Variants in FAF1 observed in about 807,000 individuals in gnomAD.
FAF1 encodes FAS-associated factor 1.
Under a neutral mutation model 92.5 loss-of-function variants are expected in FAF1, and 25 were observed. That is an observed-to-expected ratio of 0.27 (90% CI 0.20 to 0.38). FAF1 has a LOEUF of 0.38. Ranked by LOEUF, FAF1 falls within the 10% of genes least tolerant of loss-of-function variation. The probability of loss-of-function intolerance (pLI) is 1.00; values close to 1 mark genes in which losing one functional copy is unlikely to be tolerated. For synonymous variants in FAF1, 234 were observed against 273.2 expected (o/e 0.86, Z 1.42); for missense variants, 636 against 793.3 (o/e 0.80, Z 2.38).
intron 2 of FAF1, among the ~76,000 whole-genome samples, chr1:50,817,139 T>G (rs1643986550): frequency 6.6e-6 from 1 of 152,174 alleles, no homozygotes; most frequent in Non-Finnish European, 1.5e-5. Context: ...TTGTTCTTTT[T>G]GCTCAGGATG....
intron 8 of FAF1, among the ~76,000 whole-genome samples, chr1:50,622,462 T>A (rs528416095): frequency 6.6e-6 from 1 of 152,194 alleles, no homozygotes; most frequent in Non-Finnish European, 1.5e-5. Flanking sequence ...GCTGACTTGA[T>A]GATTTGGTCT....
chr1:50,457,724 CAAAAAA>C (rs35479561), intron 18 of FAF1, among the ~76,000 whole-genome samples: 2 of 56,562 alleles, frequency 3.5e-5, no homozygotes, highest in Non-Finnish European at 6.0e-5. Flanking sequence ...CCCATCTCTG[CAAAAAA>C]AAAAAAAAAA....
At chr1:50,460,231 C>G (rs1017876049) in intron 18 of FAF1, among the ~76,000 whole-genome samples, 7 of 152,180 alleles carry the variant, frequency 4.6e-5, no homozygotes, top group Non-Finnish European at 8.8e-5. Context: ...CCAAACATAT[C>G]ATACTGATTT....
intron 8 of FAF1, among the ~76,000 whole-genome samples, chr1:50,642,020 T>C (rs1284604730): frequency 1.3e-5 from 2 of 151,898 alleles, no homozygotes; most frequent in African/African-American, 4.8e-5. Flanking sequence ...CTGGGCAACA[T>C]GGTGAAACCC....
chr1:50,855,173 T>C (rs1394654285), intron 2 of FAF1, among the ~76,000 whole-genome samples: 1 of 151,864 alleles, frequency 6.6e-6, no homozygotes, highest in Non-Finnish European at 1.5e-5. Flanking sequence ...ACCTGTGTAA[T>C]ACACACAGAT....
At chr1:50,704,176 A>T (rs371353477) in intron 7 of FAF1, among the ~76,000 whole-genome samples, 1 of 152,140 alleles carries the variant, frequency 6.6e-6, no homozygotes, top group Non-Finnish European at 1.5e-5. Context: ...AGAGAAGCTA[A>T]TTTGAAAACA....
At chr1:50,518,171 A>G (rs948998492) in intron 15 of FAF1, among the ~76,000 whole-genome samples, 2 of 152,150 alleles carry the variant, frequency 1.3e-5, no homozygotes, top group Non-Finnish European at 2.9e-5. Flanking sequence ...CTGTCCCTAC[A>G]CTTTTACCTT....
chr1:50,830,865 G>C (rs760856713), intron 2 of FAF1, among the ~76,000 whole-genome samples: 5 of 151,912 alleles, frequency 3.3e-5, no homozygotes, highest in African/African-American at 9.7e-5. Context: ...AATATCAACA[G>C]AATCTTTTTT....
chr1:50,717,018 C>T (rs1243889267), intron 6 of FAF1, among the ~76,000 whole-genome samples: 1 of 152,134 alleles, frequency 6.6e-6, no homozygotes, highest in Non-Finnish European at 1.5e-5. Context: ...ACCAACCCAC[C>T]AGAAGGAAGA....
intron 18 of FAF1, among the ~76,000 whole-genome samples, chr1:50,468,887 C>A (rs576025856): frequency 6.6e-6 from 1 of 152,108 alleles, no homozygotes; most frequent in Admixed American, 6.5e-5. Context: ...TGAGCCACTG[C>A]GCCTGGCCAA....
At chr1:50,724,296 T>TACATAC (rs1553132404) in intron 6 of FAF1, among the ~76,000 whole-genome samples, 1 of 117,136 alleles carries the variant, frequency 8.5e-6, no homozygotes, top group African/African-American at 3.1e-5. Flanking sequence ...CACACACACA[T>TACATAC]ACACACACAC....
chr1:50,851,511 A>ATATT lies in FAF1; in HGVS notation c.114+6414_114+6417dup, dbSNP rs1486998389. ...TCATTTAGTTTATTTTCTAAAACAT[A>ATATT]TATTTATACTGCCAATTTACATAAG... On this transcript the variant is annotated intron_variant, in intron 2 of 18. Transcript: ENST00000396153. Among the ~76,000 whole-genome samples, 4 of 152,324 alleles carry ATATT rather than the reference A, an allele frequency of 2.6e-5. No homozygotes were observed. In the South Asian group the frequency reaches 8.3e-4, roughly 32 times the overall value.
intron 2 of FAF1, among the ~76,000 whole-genome samples, chr1:50,845,575 T>C (rs950792708): frequency 2.0e-5 from 3 of 152,074 alleles, no homozygotes; most frequent in Admixed American, 6.5e-5. Flanking sequence ...CTCTTCTGCT[T>C]GCTGATTTGC....
At chr1:50,913,055 C>G (rs1217501895) in intron 1 of FAF1, among the ~76,000 whole-genome samples, 3 of 152,272 alleles carry the variant, frequency 2.0e-5, no homozygotes, top group Admixed American at 2.0e-4. Context: ...TAAAGCACCT[C>G]TAAAAACACT....
At chr1:50,916,123 T>A (rs1332913222) in intron 1 of FAF1, among the ~76,000 whole-genome samples, 1 of 152,070 alleles carries the variant, frequency 6.6e-6, no homozygotes, top group Non-Finnish European at 1.5e-5. Flanking sequence ...GAGGAAAGCC[T>A]AGCACATGAA....
chr1:50,859,723 T>C (rs1250328024), intron 1 of FAF1, among the ~76,000 whole-genome samples: 1 of 151,898 alleles, frequency 6.6e-6, no homozygotes, highest in Non-Finnish European at 1.5e-5. Flanking sequence ...AAACTACCAA[T>C]GTTATTTGTC....
At chr1:50,862,469 G>A (rs1380928751) in intron 1 of FAF1, among the ~76,000 whole-genome samples, 13 of 151,808 alleles carry the variant, frequency 8.6e-5, no homozygotes, top group Non-Finnish European at 1.8e-4. Flanking sequence ...TAGTTAATGG[G>A]TACAAAAACA....
intron 6 of FAF1, among the ~76,000 whole-genome samples, chr1:50,706,462 T>C (rs527511064): frequency 2.0e-5 from 3 of 152,180 alleles, no homozygotes; most frequent in Non-Finnish European, 4.4e-5. Context: ...CATAGCAACA[T>C]TTTGTAAAGC....
At chr1:50,727,289 C>A (rs1411516501) in intron 6 of FAF1, among the ~76,000 whole-genome samples, 2 of 152,206 alleles carry the variant, frequency 1.3e-5, no homozygotes, top group Non-Finnish European at 2.9e-5. Context: ...CACCTCTATA[C>A]ATATTATACT....
Sources: allele counts gnomAD v4.1 joint callset (sites outside exome capture counted in the v4.1 genomes callset), GRCh38; gene constraint gnomAD v4.1.1; transcripts MANE v1.5; gene names NCBI Gene and HGNC (gene_info 2026-07-23, HGNC 2026-07-21).